UBE2E2: variants seen among roughly 807,000 people sequenced by gnomAD.
UBE2E2 encodes ubiquitin-conjugating enzyme E2 E2.
UBE2E2 carries 6 observed loss-of-function variants against 24.7 expected under a neutral mutation model. The ratio of observed to expected loss-of-function variants is 0.24; its 90% CI spans 0.13 to 0.48. UBE2E2 has a LOEUF of 0.48. Ranked by LOEUF, UBE2E2 falls within the 20% of genes least tolerant of loss-of-function variation. UBE2E2 has a pLI of 0.99. For synonymous variants in UBE2E2, 104 were observed against 83.6 expected (o/e 1.24, Z -1.33); for missense variants, 169 against 245.0 (o/e 0.69, Z 2.07).
chr3:23,547,849 C>G (rs978187319), intron 5 of UBE2E2, among the ~76,000 whole-genome samples: 2 of 152,122 alleles, frequency 1.3e-5, no homozygotes, highest in African/African-American at 4.8e-5. Flanking sequence ...TACTACCCAC[C>G]CAGCCCTAAG....
intron 3 of UBE2E2, among the ~76,000 whole-genome samples, chr3:23,489,265 A>C (rs754523627): frequency 6.6e-6 from 1 of 152,120 alleles, no homozygotes; most frequent in Non-Finnish European, 1.5e-5. Context: ...TGAAATAATT[A>C]TATAACTCAC....
chr3:23,332,675 GTGTGTGTGTGTGT>G (rs1357163594), intron 3 of UBE2E2, among the ~76,000 whole-genome samples: 57 of 106,532 alleles, frequency 5.4e-4, no homozygotes, highest in South Asian at 2.3e-3. Flanking sequence ...AGCCAGTGGG[GTGTGTGTGTGTGT>G]GTGTGTGTGT....
chr3:23,576,625 T>C, intron 5 of UBE2E2, among the ~76,000 whole-genome samples: 1 of 152,192 alleles, frequency 6.6e-6, no homozygotes, highest in East Asian at 1.9e-4. Flanking sequence ...TATATATGGC[T>C]GTTGTTGTGT....
intron 4 of UBE2E2, among the ~76,000 whole-genome samples, chr3:23,526,608 A>ACC (rs67958280): frequency 0.084 from 12,751 of 152,148 alleles, 639 homozygotes; most frequent in African/African-American, 0.095. Flanking sequence ...TGATGGCAGG[A>ACC]CCCCCAAAGA....
chr3:23,284,277 A>G (rs1385596230), intron 3 of UBE2E2, among the ~76,000 whole-genome samples: 4 of 152,178 alleles, frequency 2.6e-5, no homozygotes, highest in Non-Finnish European at 5.9e-5. Flanking sequence ...CTTAAAGAGA[A>G]GGCACAGTAT....
intron 3 of UBE2E2, among the ~76,000 whole-genome samples, chr3:23,491,892 G>A (rs890471645): frequency 6.6e-6 from 1 of 152,158 alleles, no homozygotes; most frequent in Non-Finnish European, 1.5e-5. Flanking sequence ...AATAATCAGA[G>A]TACAGAGATA....
intron 5 of UBE2E2, among the ~76,000 whole-genome samples, chr3:23,568,991 G>T (rs943798830): frequency 4.0e-5 from 6 of 151,644 alleles, no homozygotes; most frequent in Non-Finnish European, 5.9e-5. Flanking sequence ...ATATACCCAA[G>T]AGAAATAAAA....
At chr3:23,574,116 A>G (rs1017643024) in intron 5 of UBE2E2, among the ~76,000 whole-genome samples, 1 of 152,222 alleles carries the variant, frequency 6.6e-6, no homozygotes, top group African/African-American at 2.4e-5. Context: ...GAAATAAGCC[A>G]GGCACAGAAC....
At chr3:23,352,280 A>G (rs1341157294) in intron 3 of UBE2E2, among the ~76,000 whole-genome samples, 1 of 152,166 alleles carries the variant, frequency 6.6e-6, no homozygotes, top group Admixed American at 6.5e-5. Context: ...AAGAGAAAGC[A>G]GGAAAGATCC....
chr3:23,212,551 C>G (rs1399906341), intron 2 of UBE2E2, among the ~76,000 whole-genome samples: 2 of 151,968 alleles, frequency 1.3e-5, no homozygotes, highest in Non-Finnish European at 2.9e-5. Flanking sequence ...TTAGAGTGGA[C>G]ATGGTGATTT....
intron 5 of UBE2E2, among the ~76,000 whole-genome samples, chr3:23,547,239 CT>C (rs1559417804): frequency 6.6e-6 from 1 of 152,154 alleles, no homozygotes; most frequent in Non-Finnish European, 1.5e-5. Context: ...TTTTCTGTGT[CT>C]GTTGTCCAGC....
intron 3 of UBE2E2, among the ~76,000 whole-genome samples, chr3:23,357,936 C>T (rs967316440): frequency 1.3e-5 from 2 of 152,318 alleles, no homozygotes; most frequent in South Asian, 4.1e-4. Flanking sequence ...CCTCGTCAAG[C>T]GTGATCCTTC....
intron 3 of UBE2E2, among the ~76,000 whole-genome samples, chr3:23,290,818 G>A (rs1698744091): frequency 6.7e-6 from 1 of 150,112 alleles, no homozygotes; most frequent in Admixed American, 6.6e-5. Context: ...TTCTGGGGAG[G>A]CCAAGGTGGG....
chr3:23,306,956 T>C (rs925894973), intron 3 of UBE2E2, among the ~76,000 whole-genome samples: 11 of 152,286 alleles, frequency 7.2e-5, no homozygotes, highest in African/African-American at 2.6e-4. Flanking sequence ...TTAAGGAAAA[T>C]TGACACATTT....
At chr3:23,511,077 C>A (rs1018082954) in intron 4 of UBE2E2, among the ~76,000 whole-genome samples, 1 of 152,174 alleles carries the variant, frequency 6.6e-6, no homozygotes, top group African/African-American at 2.4e-5. Context: ...CCCCATCTTG[C>A]ATAGAATTTA....
intron 3 of UBE2E2, among the ~76,000 whole-genome samples, chr3:23,469,742 T>A (rs1315286267): frequency 6.6e-6 from 1 of 152,236 alleles, no homozygotes; most frequent in Non-Finnish European, 1.5e-5. Context: ...ATAACATTGA[T>A]TCACTGCATT....
chr3:23,273,169 C>T (rs1483396440), intron 3 of UBE2E2, among the ~76,000 whole-genome samples: 1 of 152,174 alleles, frequency 6.6e-6, no homozygotes, highest in Admixed American at 6.5e-5. Context: ...ACTTCTAAAA[C>T]AATTTTATAT....
chr3:23,448,371 A>G (rs1410345886), intron 3 of UBE2E2, among the ~76,000 whole-genome samples: 1 of 152,174 alleles, frequency 6.6e-6, no homozygotes, highest in Non-Finnish European at 1.5e-5. Flanking sequence ...ACTACTTTTC[A>G]CACTGATAGT....
At position 23,341,569 on chromosome 3, in the gene UBE2E2, A is replaced by T. The variant is rs370635706; in HGVS notation, c.227+124257A>T. Among the ~76,000 whole-genome samples, 30 of 152,340 alleles carry T rather than the reference A, an allele frequency of 2.0e-4. 1 individual carries two copies. The South Asian group carries it at 3.3e-3, about 17-fold the overall frequency. ...TTAGGTTTAGGGTCTGCATTTGAGC[A>T]TCTTATCCAGCTGACAGCTGTGAAC... On this transcript the variant is annotated intron_variant, in intron 3 of 5. Transcript: ENST00000396703.
Sources: allele counts gnomAD v4.1 joint callset (sites outside exome capture counted in the v4.1 genomes callset), GRCh38; gene constraint gnomAD v4.1.1; transcripts MANE v1.5; gene names NCBI Gene and HGNC (gene_info 2026-07-23, HGNC 2026-07-21).